Variants in CAMK4 observed in about 807,000 individuals in gnomAD.
The protein encoded by CAMK4 is calcium/calmodulin-dependent protein kinase type IV.
A neutral mutation model predicts 44.9 loss-of-function variants in CAMK4; 22 were observed. The ratio of observed to expected loss-of-function variants is 0.49; its 90% CI spans 0.35 to 0.70. CAMK4 has a LOEUF of 0.70. Among genes scored for constraint, CAMK4 ranks in the 30% least tolerant of loss-of-function variants. CAMK4 has a pLI of 0.01. For missense variants in CAMK4, 498 were observed against 586.8 expected (o/e 0.85, Z 1.56); for synonymous variants, 218 against 215.4 (o/e 1.01, Z -0.11).
chr5:111,421,901 A>T (rs1753045971), intron 5 of CAMK4, among the ~76,000 whole-genome samples: 1 of 152,092 alleles, frequency 6.6e-6, no homozygotes, highest in Non-Finnish European at 1.5e-5. Context: ...ACGAAATTTG[A>T]TGGTTTTATA....
At chr5:111,245,619 G>A (rs933019534) in intron 1 of CAMK4, among the ~76,000 whole-genome samples, 4 of 152,134 alleles carry the variant, frequency 2.6e-5, no homozygotes. Context: ...TTAAATAGCA[G>A]CAAATGAGTT....
At chr5:111,400,910 T>A (rs1395628661) in intron 5 of CAMK4, among the ~76,000 whole-genome samples, 1 of 152,172 alleles carries the variant, frequency 6.6e-6, no homozygotes. Flanking sequence ...CCTCTGATAC[T>A]TAATTCTGCT....
intron 1 of CAMK4, among the ~76,000 whole-genome samples, chr5:111,273,353 AAAGGC>A (rs969623888): frequency 4.6e-5 from 7 of 152,004 alleles, no homozygotes; most frequent in African/African-American, 1.4e-4. Flanking sequence ...TTGTCTAGAA[AAAGGC>A]AATCTTTTTG....
At chr5:111,230,186 T>C (rs1002188714) in intron 1 of CAMK4, among the ~76,000 whole-genome samples, 2 of 152,202 alleles carry the variant, frequency 1.3e-5, no homozygotes, top group East Asian at 1.9e-4. Flanking sequence ...TCAATCAGCA[T>C]TGGTTTTCTT....
intron 1 of CAMK4, chr5:111,269,892 AGAGCTCCCCACATCCAATTG>A (rs1750430297): frequency 6.6e-6 from 1 of 152,208 alleles, no homozygotes; most frequent in East Asian, 1.9e-4. Flanking sequence ...CGTGTTTTTT[AGAGCTCCCCACATCCAATTG>A]GATGTTTTCA....
intron 1 of CAMK4, among the ~76,000 whole-genome samples, chr5:111,305,777 G>T (rs1290184691): frequency 1.4e-5 from 2 of 142,896 alleles, no homozygotes; most frequent in South Asian, 2.2e-4. Context: ...TACCAAAGCC[G>T]GGCAGAGACA....
At chr5:111,378,867 G>T (rs1751310766) in intron 4 of CAMK4, among the ~76,000 whole-genome samples, 1 of 151,718 alleles carries the variant, frequency 6.6e-6, no homozygotes, top group South Asian at 2.1e-4. Context: ...AGCTTAGATG[G>T]CTCTAATCCA....
At chr5:111,329,462 C>A (rs1749058783) in intron 1 of CAMK4, among the ~76,000 whole-genome samples, 1 of 151,776 alleles carries the variant, frequency 6.6e-6, no homozygotes, top group South Asian at 2.1e-4. Flanking sequence ...ATGACAAAAT[C>A]TTCCACCTTT....
rs191190906 is a variant in CAMK4 at position 111,245,814 on chromosome 5, G to C, written c.161+21170G>C. On this transcript the variant is annotated intron_variant, in intron 1 of 10. Coordinates refer to ENST00000282356, the MANE Select transcript of CAMK4 (RefSeq NM_001744.6). ...TATAAACAAAACTTAACACAAAACT[G>C]TTGGGTGTGTACGTCATAATCATGT... Among the ~76,000 whole-genome samples, 8 of 152,358 alleles carry C rather than the reference G, an allele frequency of 5.3e-5. No individual in the cohort carries two copies. In the East Asian group the frequency reaches 1.5e-3, roughly 29 times the overall value.
At chr5:111,328,080 T>A (rs1561414815) in intron 1 of CAMK4, among the ~76,000 whole-genome samples, 2 of 125,750 alleles carry the variant, frequency 1.6e-5, no homozygotes, top group Non-Finnish European at 3.3e-5. Flanking sequence ...CATGAAGTCC[T>A]TGCCCATGCC....
chr5:111,461,911 G>C (rs1754658595), intron 7 of CAMK4, among the ~76,000 whole-genome samples: 1 of 149,122 alleles, frequency 6.7e-6, no homozygotes, highest in African/African-American at 2.5e-5. Flanking sequence ...GATGCAAATA[G>C]ATCTTTTCCC....
At chr5:111,399,049 C>A (rs559969275) in intron 5 of CAMK4, among the ~76,000 whole-genome samples, 8 of 152,230 alleles carry the variant, frequency 5.3e-5, no homozygotes, top group African/African-American at 1.9e-4. Context: ...TATATCATTT[C>A]CATGCTTATA....
At chr5:111,381,583 G>A (rs934162301) in intron 4 of CAMK4, among the ~76,000 whole-genome samples, 3 of 151,720 alleles carry the variant, frequency 2.0e-5, no homozygotes, top group Non-Finnish European at 2.9e-5. Flanking sequence ...GCTGATTGAG[G>A]GTGGGTCTGC....
chr5:111,243,086 A>T (rs1378602347), intron 1 of CAMK4, among the ~76,000 whole-genome samples: 1 of 152,124 alleles, frequency 6.6e-6, no homozygotes, highest in Non-Finnish European at 1.5e-5. Flanking sequence ...ACATTATTCA[A>T]TGACTTGTAG....
chr5:111,263,100 T>C (rs573117195), intron 1 of CAMK4, among the ~76,000 whole-genome samples: 1 of 152,200 alleles, frequency 6.6e-6, no homozygotes, highest in Non-Finnish European at 1.5e-5. Flanking sequence ...CGAAAAGAGA[T>C]CATAGTTCAT....
intron 5 of CAMK4, among the ~76,000 whole-genome samples, chr5:111,419,761 C>T (rs1396159984): frequency 4.7e-4 from 72 of 151,890 alleles, no homozygotes; most frequent in African/African-American, 1.1e-3. Flanking sequence ...TGTAGATATG[C>T]GGCATTATTT....
intron 1 of CAMK4, among the ~76,000 whole-genome samples, chr5:111,313,933 C>T (rs1005544301): frequency 2.6e-5 from 4 of 152,004 alleles, no homozygotes; most frequent in Admixed American, 6.6e-5. Context: ...CTTTCAGTAA[C>T]TTTTTGCAAT....
At chr5:111,292,834 G>A (rs1214394303) in intron 1 of CAMK4, among the ~76,000 whole-genome samples, 1 of 152,148 alleles carries the variant, frequency 6.6e-6, no homozygotes, top group Non-Finnish European at 1.5e-5. Flanking sequence ...GGGAGGCTGG[G>A]ATAGGAGGAT....
intron 7 of CAMK4, among the ~76,000 whole-genome samples, chr5:111,469,252 A>T (rs1278947418): frequency 1.5e-5 from 2 of 134,416 alleles, no homozygotes; most frequent in African/African-American, 5.6e-5. Flanking sequence ...AGGTGTTTTG[A>T]CTTTGTTTCA....
Sources: allele counts gnomAD v4.1 joint callset (sites outside exome capture counted in the v4.1 genomes callset), GRCh38; gene constraint gnomAD v4.1.1; transcripts MANE v1.5; gene names NCBI Gene and HGNC (gene_info 2026-07-23, HGNC 2026-07-21).